Variants in ELAPOR1 observed in about 807,000 individuals in gnomAD.
ELAPOR1 encodes endosome/lysosome-associated apoptosis and autophagy regulator 1.
ELAPOR1 carries 77 observed loss-of-function variants against 119.7 expected under a neutral mutation model. That is an observed-to-expected ratio of 0.64 (90% CI 0.54 to 0.78). ELAPOR1 has a LOEUF of 0.78. ELAPOR1 is among the 30% of genes least tolerant of loss of function. The probability of loss-of-function intolerance (pLI) is 0.00; values close to 1 mark genes in which losing one functional copy is unlikely to be tolerated. For missense variants in ELAPOR1, 1,115 were observed against 1,270.4 expected, an observed-to-expected ratio of 0.88 and a Z score of 1.86; for synonymous variants, 481 against 487.2, an observed-to-expected ratio of 0.99 and a Z score of 0.17.
intron 3 of ELAPOR1, among the ~76,000 whole-genome samples, chr1:109,169,358 G>A (rs1021236467): frequency 4.6e-5 from 7 of 152,068 alleles, no homozygotes; most frequent in African/African-American, 1.7e-4. Flanking sequence ...TCCTGCCTCA[G>A]CCTCCTGAGG....
intron 1 of ELAPOR1, among the ~76,000 whole-genome samples, chr1:109,156,225 G>T (rs919773013): frequency 7.9e-5 from 12 of 151,960 alleles, no homozygotes; most frequent in Admixed American, 5.9e-4. Context: ...CAGATCATCA[G>T]ACTTTTACCT....
chr1:109,189,010 T>A, intron 9 of ELAPOR1, 56 bp from the exon 10 acceptor site: 2 of 1,597,572 alleles, frequency 1.3e-6, no homozygotes, highest in Non-Finnish European at 1.7e-6. Flanking sequence ...GCAGCTCCAG[T>A]CAGAGTGACT....
chr1:109,149,541 C>T (rs1650396554), intron 1 of ELAPOR1, among the ~76,000 whole-genome samples: 1 of 152,130 alleles, frequency 6.6e-6, no homozygotes, highest in African/African-American at 2.4e-5. Context: ...AATCCCAGCA[C>T]CCGCACAGCT....
chr1:109,169,637 C>T (rs1651809020), intron 3 of ELAPOR1, among the ~76,000 whole-genome samples: 1 of 152,216 alleles, frequency 6.6e-6, no homozygotes, highest in South Asian at 2.1e-4. Flanking sequence ...CCTGTTTCCA[C>T]ATTCAACTCT....
intron 13 of ELAPOR1, among the ~76,000 whole-genome samples, chr1:109,192,344 GC>G (rs1487596367): frequency 6.6e-6 from 1 of 152,058 alleles, no homozygotes; most frequent in Non-Finnish European, 1.5e-5. Flanking sequence ...GAAAAGACTT[GC>G]TTTTTTCATA....
At chr1:109,166,032 C>T (rs563811241) in intron 3 of ELAPOR1, among the ~76,000 whole-genome samples, 7 of 152,184 alleles carry the variant, frequency 4.6e-5, no homozygotes, top group African/African-American at 1.7e-4. Flanking sequence ...TCTCCTGCCT[C>T]AGCCTCCCGA....
In ELAPOR1 at chr1:109,199,842, CTGCTTTGCTAGAACG is replaced by C; in HGVS notation, c.2502-7_2509del. ...GCGAGTGAGAGCTCAGGTCTCTTTT[CTGCTTTGCTAGAACG>C]TGCTCGGATGGGACCTGTGATGGCT... is the stretch of plus-strand genomic sequence containing the variant. On this transcript the variant is annotated splice_acceptor_variant and splice_polypyrimidine_tract_variant and coding_sequence_variant and intron_variant, in exon 19 of 22. Transcript: ENST00000369939. LOFTEE classifies it high-confidence loss of function. The C allele has an allele frequency of 6.2e-7, 1 of 1,609,492 alleles. No individual in the cohort carries two copies. Among genetic ancestry groups the C allele is most frequent in the Middle Eastern group, 1.9e-4 (1 of 5,188 alleles).
intron 1 of ELAPOR1, among the ~76,000 whole-genome samples, chr1:109,152,250 G>C (rs138633842): frequency 1.4e-3 from 208 of 152,304 alleles, no homozygotes; most frequent in African/African-American, 4.8e-3. Flanking sequence ...TCTTCTGAAA[G>C]CAGATCCTTT....
intron 1 of ELAPOR1, among the ~76,000 whole-genome samples, chr1:109,127,061 T>C (rs1467907275): frequency 6.6e-6 from 1 of 152,126 alleles, no homozygotes; most frequent in Non-Finnish European, 1.5e-5. Flanking sequence ...TTGGGCTGTT[T>C]GTCACATTTC....
chr1:109,136,069 C>G (rs1388090289), intron 1 of ELAPOR1, among the ~76,000 whole-genome samples: 1 of 152,120 alleles, frequency 6.6e-6, no homozygotes, highest in Non-Finnish European at 1.5e-5. Flanking sequence ...CTATGCTTCT[C>G]CCCTTATCTA....
At chr1:109,187,849 C>T in intron 8 of ELAPOR1, 1 of 1,036,792 alleles carries the variant, frequency 9.6e-7, no homozygotes, top group South Asian at 4.6e-5. Context: ...TTCCTGTGAC[C>T]TTGGTAGCAA....
chr1:109,194,138 T>A (rs1570723197), intron 14 of ELAPOR1, among the ~76,000 whole-genome samples: 1 of 152,324 alleles, frequency 6.6e-6, no homozygotes, highest in East Asian at 1.9e-4. Flanking sequence ...GCTTCTATAA[T>A]CTAGGCACAG....
intron 1 of ELAPOR1, among the ~76,000 whole-genome samples, chr1:109,158,220 A>G (rs1216007337): frequency 1.3e-5 from 2 of 152,156 alleles, no homozygotes; most frequent in Admixed American, 6.5e-5. Context: ...CATTTTTAAA[A>G]GTAACAGATA....
chr1:109,154,382 A>C (rs1001145949), intron 1 of ELAPOR1, among the ~76,000 whole-genome samples: 3 of 152,178 alleles, frequency 2.0e-5, no homozygotes, highest in Non-Finnish European at 4.4e-5. Context: ...TGGAACTGGA[A>C]GGAATCTTAG....
At chr1:109,187,065 G>C (rs774392037) in intron 8 of ELAPOR1, 65 of 985,398 alleles carry the variant, frequency 6.6e-5, no homozygotes, top group Non-Finnish European at 7.7e-5. Context: ...TGCTCAGTCT[G>C]GTGATTGAGT....
In ELAPOR1 at chr1:109,173,738, G is replaced by T. The variant is rs1327520161; in HGVS notation, c.853G>T (p.Asp285Tyr). ...CFPCKPGTYA[D>Y]KQGSSFCKLC... Reference sequence around the variant, plus strand: ...CCCCTGCAAACCTGGCACGTATGCAGACAAGCAGGGCTCCTCTTTCTGCAA... The same window carrying T: ...CCCCTGCAAACCTGGCACGTATGCATACAAGCAGGGCTCCTCTTTCTGCAA... Residue 285 changes from aspartate to tyrosine, a missense_variant, in exon 7 of 22, where the codon GAC (aspartate) becomes TAC (tyrosine). Physicochemically the swap from Asp to Tyr is radical, Grantham distance 160. Transcript: ENST00000369939. The T allele has an allele frequency of 6.2e-7, 1 of 1,614,178 alleles. No homozygotes were observed. The highest frequency in any genetic ancestry group is 8.5e-7 in the Non-Finnish European group (1 of 1,180,032).
At chr1:109,186,366 AG>A (rs1482597603) in intron 8 of ELAPOR1, among the ~76,000 whole-genome samples, 1 of 152,206 alleles carries the variant, frequency 6.6e-6, no homozygotes, top group Non-Finnish European at 1.5e-5. Flanking sequence ...GGATAGAACT[AG>A]GAGTTGGGCA....
chr1:109,197,703 G>GTGTGTA, intron 16 of ELAPOR1, 49 bp downstream of exon 16: 1 of 1,553,568 alleles, frequency 6.4e-7, no homozygotes, highest in South Asian at 1.2e-5. Context: ...GTGTGTGTGT[G>GTGTGTA]TGTGTGTGTG....
At chr1:109,167,943 C>T (rs184810001) in intron 3 of ELAPOR1, among the ~76,000 whole-genome samples, 1 of 152,242 alleles carries the variant, frequency 6.6e-6, no homozygotes, top group African/African-American at 2.4e-5. Context: ...TACTTTCCCG[C>T]TCAAAACCCT....
Sources: allele counts gnomAD v4.1 joint callset (sites outside exome capture counted in the v4.1 genomes callset), GRCh38; gene constraint gnomAD v4.1.1; transcripts MANE v1.5; gene names NCBI Gene and HGNC (gene_info 2026-07-23, HGNC 2026-07-21).